The following NAV3 variants were observed in gnomAD, a reference collection of about 807,000 sequenced individuals.
The protein encoded by NAV3 is pore membrane and/or filament interacting like protein 1.
Under a neutral mutation model 244.7 loss-of-function variants are expected in NAV3, and 87 were observed. The ratio of observed to expected loss-of-function variants is 0.36; its 90% CI spans 0.30 to 0.42. The LOEUF (loss-of-function observed/expected upper bound fraction) is 0.42. NAV3 is among the 20% of genes least tolerant of loss of function. The probability of loss-of-function intolerance (pLI) is 1.00; values close to 1 mark genes in which losing one functional copy is unlikely to be tolerated. For synonymous variants in NAV3, 1,126 were observed against 1,042.2 expected (o/e 1.08, Z -1.55); for missense variants, 2,663 against 2,893.3 (o/e 0.92, Z 1.83).
intron 18 of NAV3, among the ~76,000 whole-genome samples, chr12:78,133,201 G>A (rs991068048): frequency 5.9e-5 from 9 of 152,016 alleles, no homozygotes; most frequent in South Asian, 2.1e-4. Flanking sequence ...TTAGAAACAC[G>A]TATGGCTTCA....
At chr12:77,601,615 A>T (rs1016560064) in intron 2 of NAV3, among the ~76,000 whole-genome samples, 3 of 151,962 alleles carry the variant, frequency 2.0e-5, no homozygotes, top group African/African-American at 7.2e-5. Context: ...AAGGATTTCA[A>T]ACATGTACCT....
chr12:78,029,179 C>CAA (rs149050506), intron 9 of NAV3, among the ~76,000 whole-genome samples: 3,747 of 128,730 alleles, frequency 0.029, 125 homozygotes, highest in African/African-American at 0.08. Context: ...CTACCTATTC[C>CAA]AAAAAAAAAA....
rs367896942 is a variant in NAV3, at chr12:77,641,393, C to T, written c.72+69127C>T. 7.2e-5 allele frequency among the ~76,000 whole-genome samples: 11 copies of T among 152,160 alleles called. No individual in the cohort carries two copies. The South Asian group carries it at 1.7e-3, about 23-fold the overall frequency. On this transcript the variant is annotated intron_variant, in intron 2 of 8. Coordinates refer to the NAV3 transcript ENST00000550042. ...ACATTAATTTACAAGGCTACTGTTA[C>T]TTGTTGAATCATCTCTAGTTTTCAG...
chr12:78,189,681 T>A (rs1958888304), intron 33 of NAV3, among the ~76,000 whole-genome samples: 1 of 151,806 alleles, frequency 6.6e-6, no homozygotes, highest in African/African-American at 2.4e-5. Context: ...GATGTTATGA[T>A]AGCATTTATA....
intron 2 of NAV3, among the ~76,000 whole-genome samples, chr12:77,653,582 A>G (rs962212148): frequency 6.6e-6 from 1 of 152,186 alleles, no homozygotes; most frequent in Non-Finnish European, 1.5e-5. Context: ...TACAGAACAC[A>G]TTTTTTATAG....
In NAV3 at chr12:77,833,899, G is replaced by A. The variant is rs192358791; in HGVS notation, c.243+2195G>A. 2.2e-3 allele frequency among the ~76,000 whole-genome samples: 332 copies of A among 152,228 alleles called. 1 individual carries two copies. The highest frequency in any genetic ancestry group is 7.5e-3 in the African/African-American group (310 of 41,524). ...ATTCCCCTCGGGTCCATGTCGTTCT[G>A]CAGTCGATGGCCTGCCGGTGTCTGC... On this transcript the variant is annotated intron_variant, in intron 1 of 39. Coordinates refer to ENST00000397909, the MANE Select transcript of NAV3 (RefSeq NM_001024383.2).
intron 5 of NAV3, among the ~76,000 whole-genome samples, chr12:77,983,947 T>G (rs1870020456): frequency 6.6e-6 from 1 of 152,302 alleles, no homozygotes; most frequent in African/African-American, 2.4e-5. Flanking sequence ...ATTGAACATA[T>G]ATTCATCTAA....
intron 2 of NAV3, among the ~76,000 whole-genome samples, chr12:77,595,390 G>A (rs1870121147): frequency 6.6e-6 from 1 of 152,130 alleles, no homozygotes; most frequent in African/African-American, 2.4e-5. Context: ...TTGGGAAGGT[G>A]GGAGAAATGG....
At chr12:77,594,660 T>C (rs1870086813) in intron 2 of NAV3, among the ~76,000 whole-genome samples, 1 of 152,212 alleles carries the variant, frequency 6.6e-6, no homozygotes, top group Non-Finnish European at 1.5e-5. Flanking sequence ...ACTTTTCACA[T>C]ATGCACCGAA....
chr12:77,741,148 C>CAAAA lies in NAV3; in HGVS notation c.72+168897_72+168900dup. On this transcript the variant is annotated intron_variant, in intron 2 of 8. Coordinates refer to the NAV3 transcript ENST00000550042. ...GAAATAGTCAAAGAAAAAAAAAAGA[C>CAAAA]AAAAAAAAAAAAAAAAAAGAAAAGA... is the stretch of plus-strand genomic sequence containing the variant. Among the ~76,000 whole-genome samples the CAAAA allele has an allele frequency of 1.3e-3, 86 of 68,632 alleles. 1 individual carries two copies. The highest frequency in any genetic ancestry group is 4.1e-3 in the African/African-American group (69 of 16,866). 45.0% of individuals were successfully genotyped at this position (68,632 alleles called of 152,430 possible). A position where few individuals can be genotyped will look rare whatever the true frequency, so the allele number is the denominator to read the frequency against.
chr12:77,860,419 A>G (rs1265419054), intron 1 of NAV3, among the ~76,000 whole-genome samples: 2 of 151,016 alleles, frequency 1.3e-5, no homozygotes, highest in Non-Finnish European at 3.0e-5. Flanking sequence ...ACACATATAT[A>G]TTCACTTTCT....
rs566395464 is a variant in NAV3 at position 77,782,542 on chromosome 12, G to A, written c.73-157777G>A. On this transcript the variant is annotated intron_variant, in intron 2 of 8. Transcript: ENST00000550042. ...ATTTGACCAGTTATAGTCATGATGC[G>A]ACTTGTCCTGGGGAGAACTTGGATT... is the stretch of plus-strand genomic sequence containing the variant. Among the ~76,000 whole-genome samples the A allele has an allele frequency of 4.6e-5, 7 of 150,794 alleles. No individual in the cohort carries two copies. In the East Asian group the frequency reaches 5.8e-4, roughly 12 times the overall value.
intron 12 of NAV3, among the ~76,000 whole-genome samples, chr12:78,088,068 CAT>C (rs1953727649): frequency 6.6e-6 from 1 of 150,750 alleles, no homozygotes; most frequent in Non-Finnish European, 1.5e-5. Context: ...TGATATATCT[CAT>C]ATATATTATG....
At chr12:77,737,119 G>C (rs1025150480) in intron 2 of NAV3, among the ~76,000 whole-genome samples, 5 of 148,446 alleles carry the variant, frequency 3.4e-5, no homozygotes, top group Non-Finnish European at 7.4e-5. Context: ...GAGGGAGGCA[G>C]AGGGGAAACA....
At chr12:78,037,383 T>C (rs1050339848) in intron 9 of NAV3, 3 of 697,474 alleles carry the variant, frequency 4.3e-6, no homozygotes, top group East Asian at 2.7e-5. Context: ...CACTGACTTA[T>C]TAGGTAAGTC....
At chr12:77,939,020 C>T (rs1319369573) in intron 1 of NAV3, among the ~76,000 whole-genome samples, 1 of 150,020 alleles carries the variant, frequency 6.7e-6, no homozygotes, top group Non-Finnish European at 1.5e-5. Context: ...CTCTTCATAC[C>T]AAATTATTCA....
At chr12:77,618,578 A>G (rs1871234211) in intron 2 of NAV3, among the ~76,000 whole-genome samples, 1 of 152,192 alleles carries the variant, frequency 6.6e-6, no homozygotes, top group Non-Finnish European at 1.5e-5. Flanking sequence ...ATAACTAAAT[A>G]CTATCAAATT....
chr12:77,962,810 C>G (rs903095615), intron 3 of NAV3, among the ~76,000 whole-genome samples: 3 of 152,130 alleles, frequency 2.0e-5, no homozygotes, highest in Admixed American at 2.0e-4. Flanking sequence ...GGAAGCATCA[C>G]AGTAACCTGA....
intron 1 of NAV3, among the ~76,000 whole-genome samples, chr12:77,874,792 T>G (rs1041773899): frequency 2.6e-5 from 4 of 152,160 alleles, no homozygotes; most frequent in Non-Finnish European, 5.9e-5. Context: ...AATACCATCC[T>G]TACTATGTTA....
Sources: gnomAD v4.1 joint callset for allele counts (sites outside exome capture counted in the v4.1 genomes callset) on GRCh38, gnomAD v4.1.1 for gene constraint, MANE v1.5 for transcripts, NCBI Gene and HGNC (gene_info 2026-07-23, HGNC 2026-07-21) for gene names.